The following MSRA variants were observed in gnomAD, a reference collection of about 807,000 sequenced individuals.
MSRA encodes mitochondrial peptide methionine sulfoxide reductase.
In MSRA, 54 loss-of-function variants were observed where a neutral mutation model predicts 31.3. The ratio of observed to expected loss-of-function variants is 1.73; its 90% confidence interval spans 1.39 to 2.17. MSRA has a LOEUF of 2.17. MSRA is among the 30% of genes most tolerant of loss of function. The probability of loss-of-function intolerance (pLI) is 0.00; values close to 1 mark genes in which losing one functional copy is unlikely to be tolerated. For synonymous variants in MSRA, 169 were observed against 116.5 expected (o/e 1.45, Z -2.90); for missense variants, 507 against 300.9 (o/e 1.69, Z -5.07).
chr8:10,315,853 G>A (rs974787405), intron 4 of MSRA, among the ~76,000 whole-genome samples: 4 of 152,126 alleles, frequency 2.6e-5, no homozygotes, highest in Non-Finnish European at 5.9e-5. Flanking sequence ...ATTCTAGGAC[G>A]CATAATAAGT....
chr8:10,256,016 T>C (rs1225964357), intron 3 of MSRA, among the ~76,000 whole-genome samples: 4 of 152,060 alleles, frequency 2.6e-5, no homozygotes, highest in East Asian at 1.9e-4. Flanking sequence ...ATAGTTTGCG[T>C]TGAGTTCACT....
intron 3 of MSRA, among the ~76,000 whole-genome samples, chr8:10,278,029 A>G (rs113451635): frequency 3.0e-4 from 46 of 152,250 alleles, no homozygotes; most frequent in African/African-American, 7.2e-4. Context: ...ATTTTGCCCA[A>G]TATTTTGATA....
At chr8:10,229,706 G>GA (rs1000613504) in intron 2 of MSRA, among the ~76,000 whole-genome samples, 6 of 151,524 alleles carry the variant, frequency 4.0e-5, no homozygotes, top group Admixed American at 6.6e-5. Context: ...TTATAGATGA[G>GA]AAAAAAAAGG....
At chr8:10,393,061 C>CAAAA (rs768294679) in intron 5 of MSRA, among the ~76,000 whole-genome samples, 52 of 77,582 alleles carry the variant, frequency 6.7e-4, no homozygotes, top group African/African-American at 1.7e-3. Context: ...GACTCCGTCT[C>CAAAA]AAAAAAAAAA....
intron 1 of MSRA, among the ~76,000 whole-genome samples, chr8:10,180,548 A>G (rs1029499170): frequency 2.0e-5 from 3 of 152,168 alleles, no homozygotes; most frequent in Non-Finnish European, 4.4e-5. Flanking sequence ...AGCCAGTCCC[A>G]AGCCACCTGG....
intron 5 of MSRA, among the ~76,000 whole-genome samples, chr8:10,365,209 T>G (rs1011084414): frequency 5.3e-5 from 8 of 151,928 alleles, no homozygotes; most frequent in African/African-American, 1.9e-4. Context: ...ATCATCTTTT[T>G]TCCCCTCTGA....
At chr8:10,333,894 TGA>T (rs1388956441) in intron 5 of MSRA, among the ~76,000 whole-genome samples, 3 of 152,168 alleles carry the variant, frequency 2.0e-5, no homozygotes, top group Non-Finnish European at 4.4e-5. Flanking sequence ...AGGCACTCTG[TGA>T]ATGTCAGGTG....
At chr8:10,269,113 CG>C in intron 3 of MSRA, among the ~76,000 whole-genome samples, 1 of 152,326 alleles carries the variant, frequency 6.6e-6, no homozygotes, top group East Asian at 1.9e-4. Context: ...TAGCCAATGT[CG>C]ATGGATTGTT....
intron 5 of MSRA, among the ~76,000 whole-genome samples, chr8:10,332,940 C>G (rs1222734051): frequency 6.6e-6 from 1 of 152,158 alleles, no homozygotes; most frequent in Non-Finnish European, 1.5e-5. Flanking sequence ...GATATGAGTC[C>G]CTGGGTGGAG....
At chr8:10,056,697 CAGTGTTACCTCTT>C (rs1176341183) in intron 1 of MSRA, among the ~76,000 whole-genome samples, 1 of 152,114 alleles carries the variant, frequency 6.6e-6, no homozygotes, top group Non-Finnish European at 1.5e-5. Context: ...CAGAAATGGG[CAGTGTTACCTCTT>C]CAGTGGGTTT....
intron 2 of MSRA, among the ~76,000 whole-genome samples, chr8:10,229,985 G>A (rs1811328974): frequency 6.6e-6 from 1 of 152,144 alleles, no homozygotes; most frequent in Non-Finnish European, 1.5e-5. Flanking sequence ...TTCTTTTTAG[G>A]AATCCCTCCA....
At chr8:10,343,727 A>C (rs1359783268) in intron 5 of MSRA, among the ~76,000 whole-genome samples, 2 of 152,210 alleles carry the variant, frequency 1.3e-5, no homozygotes, top group African/African-American at 4.8e-5. Context: ...AAAAAATTTT[A>C]ATATTAAAAC....
chr8:10,143,228 C>G (rs1206136973), intron 1 of MSRA, among the ~76,000 whole-genome samples: 3 of 152,070 alleles, frequency 2.0e-5, no homozygotes, highest in Non-Finnish European at 2.9e-5. Flanking sequence ...TGCACATGTA[C>G]TTATCCCTCA....
intron 4 of MSRA, among the ~76,000 whole-genome samples, chr8:10,316,596 C>A: frequency 6.8e-6 from 1 of 147,394 alleles, no homozygotes. Flanking sequence ...TCTTCTCCCC[C>A]TCCCTCTCTC....
intron 1 of MSRA, among the ~76,000 whole-genome samples, chr8:10,181,364 C>G (rs1806520880): frequency 6.6e-6 from 1 of 151,424 alleles, no homozygotes. Context: ...GGGTAAGAAT[C>G]TTGAGATGAT....
At chr8:10,309,106 A>T (rs4841313) in intron 4 of MSRA, among the ~76,000 whole-genome samples, 2 of 151,948 alleles carry the variant, frequency 1.3e-5, no homozygotes, top group Admixed American at 1.3e-4. Flanking sequence ...CCCAGCCCTC[A>T]CCCCCATGAA....
chr8:10,200,952 C>T (rs190771483), intron 1 of MSRA, among the ~76,000 whole-genome samples: 28 of 152,146 alleles, frequency 1.8e-4, no homozygotes, highest in South Asian at 8.3e-4. Flanking sequence ...TTGAGGGGCC[C>T]GCTGCAGAGA....
chr8:10,061,584 C>T (rs1802731368), intron 1 of MSRA, among the ~76,000 whole-genome samples: 1 of 152,150 alleles, frequency 6.6e-6, no homozygotes, highest in Non-Finnish European at 1.5e-5. Flanking sequence ...ACCAAGAGTG[C>T]TGCCCACCAA....
chr8:10,067,503 A>G (rs1159470796), intron 1 of MSRA, among the ~76,000 whole-genome samples: 2 of 152,166 alleles, frequency 1.3e-5, no homozygotes, highest in Non-Finnish European at 2.9e-5. Context: ...ATTTTTATTC[A>G]AGTTTTTGTG....
Sources: allele counts gnomAD v4.1 joint callset (sites outside exome capture counted in the v4.1 genomes callset), GRCh38; gene constraint gnomAD v4.1.1; transcripts MANE v1.5; gene names NCBI Gene and HGNC (gene_info 2026-07-23, HGNC 2026-07-21).